The following PLEKHA5 variants were observed in gnomAD, a reference collection of about 807,000 sequenced individuals.
PLEKHA5 encodes pleckstrin homology domain containing A5, also known as pleckstrin homology domain-containing family A member 5.
PLEKHA5 carries 55 observed loss-of-function variants against 181.9 expected under a neutral mutation model. That is an observed-to-expected ratio of 0.30 (90% CI 0.24 to 0.38). PLEKHA5 has a LOEUF of 0.38. Ranked by LOEUF, PLEKHA5 falls within the 10% of genes least tolerant of loss-of-function variation. The pLI, the probability that PLEKHA5 is intolerant of heterozygous loss-of-function variation, is 1.00. For missense variants in PLEKHA5, 1,432 were observed against 1,549.5 expected, an observed-to-expected ratio of 0.92 and a Z score of 1.27; for synonymous variants, 535 against 529.4, an observed-to-expected ratio of 1.01 and a Z score of -0.15.
intron 26 of PLEKHA5, among the ~76,000 whole-genome samples, chr12:19,357,369 C>T (rs1363138817): frequency 6.6e-6 from 1 of 151,830 alleles, no homozygotes; most frequent in Non-Finnish European, 1.5e-5. Context: ...CTCAGCCTCC[C>T]GAGTAGCTGG....
chr12:19,162,222 A>G (rs562516689), intron 3 of PLEKHA5, among the ~76,000 whole-genome samples: 175 of 152,286 alleles, frequency 1.1e-3, no homozygotes, highest in Non-Finnish European at 2.2e-3. Flanking sequence ...GGCTGTCTTC[A>G]TCTAAAAATT....
intron 29 of PLEKHA5, among the ~76,000 whole-genome samples, chr12:19,361,933 G>A (rs1482026467): frequency 2.0e-5 from 3 of 152,022 alleles, no homozygotes; most frequent in African/African-American, 7.2e-5. Context: ...CACTTTGAAA[G>A]GCCAAGGCAG....
intron 3 of PLEKHA5, among the ~76,000 whole-genome samples, chr12:19,190,923 AAAGAG>A (rs2050957706): frequency 6.6e-6 from 1 of 152,184 alleles, no homozygotes; most frequent in Admixed American, 6.5e-5. Flanking sequence ...AGGGCATGCA[AAAGAG>A]AAGTTGGAAA....
In PLEKHA5 at chr12:19,155,430, C is replaced by T. The variant is rs540811932; in HGVS notation, c.227+22980C>T. On this transcript the variant is annotated intron_variant, in intron 3 of 31. Coordinates refer to ENST00000429027, the MANE Select transcript of PLEKHA5 (RefSeq NM_001256470.2). Reference sequence around the variant, plus strand: ...GTCCCGAAACCTTGTTTTTTCTTCACGTCCTTTTTTTGTATGTGTGCATTT... The same window carrying T: ...GTCCCGAAACCTTGTTTTTTCTTCATGTCCTTTTTTTGTATGTGTGCATTT... Among the ~76,000 whole-genome samples, 200 of 152,212 alleles carry T rather than the reference C, an allele frequency of 1.3e-3. 2 individuals are homozygous for T. The highest frequency in any genetic ancestry group is 3.4e-3 in the African/African-American group (142 of 41,562).
intron 15 of PLEKHA5, among the ~76,000 whole-genome samples, chr12:19,304,284 A>G (rs979872269): frequency 1.3e-5 from 2 of 152,142 alleles, no homozygotes; most frequent in Non-Finnish European, 2.9e-5. Flanking sequence ...GGGCACCTGT[A>G]ATCCCAGCTA....
chr12:19,345,679 C>G (rs2094285708), intron 22 of PLEKHA5, among the ~76,000 whole-genome samples, 163 bp from the exon 23 acceptor site: 1 of 152,036 alleles, frequency 6.6e-6, no homozygotes, highest in Non-Finnish European at 1.5e-5. Flanking sequence ...ACAAGAATTG[C>G]TTGAACCCAG....
chr12:19,370,349 A>G (rs757224216), intron 31 of PLEKHA5, among the ~76,000 whole-genome samples: 1 of 152,220 alleles, frequency 6.6e-6, no homozygotes, highest in East Asian at 1.9e-4. Context: ...GGATGGTATC[A>G]GGGAGAAGAA....
chr12:19,233,449 A>G (rs1462791849), intron 3 of PLEKHA5, among the ~76,000 whole-genome samples: 1 of 152,124 alleles, frequency 6.6e-6, no homozygotes, highest in African/African-American at 2.4e-5. Flanking sequence ...TTGGTAGGAG[A>G]TCTGTTTCTT....
At chr12:19,200,482 T>C (rs1255753603) in intron 3 of PLEKHA5, 2 of 1,390,388 alleles carry the variant, frequency 1.4e-6, no homozygotes, top group Non-Finnish European at 1.9e-6. Flanking sequence ...TCCAGTAGCT[T>C]TCCTATTCTC....
intron 3 of PLEKHA5, among the ~76,000 whole-genome samples, chr12:19,173,005 CTTTTTTTTTT>C (rs71064064): frequency 4.8e-3 from 162 of 33,548 alleles, no homozygotes; most frequent in African/African-American, 0.014. Flanking sequence ...ATTTCCCTTT[CTTTTTTTTTT>C]TTTTTTTTTT....
rs569821545 is a variant in PLEKHA5, at chr12:19,255,053, C to G, written c.320C>G (p.Ala107Gly). 7 of 1,603,460 alleles carry G rather than the reference C, an allele frequency of 4.4e-6. No individual in the cohort carries two copies. Among genetic ancestry groups the G allele is most frequent in the African/African-American group, 1.3e-5 (1 of 74,830 alleles). Residue 107 changes from alanine (A) to glycine (G), a missense_variant, in exon 5 of 32, where the codon GCA becomes GGA. Around this residue, in one of 2 missense-constraint regions of PLEKHA5, gnomAD observed 289 missense variants for 381.1 expected, o/e 0.76. Coordinates refer to ENST00000429027, the MANE Select transcript of PLEKHA5 (RefSeq NM_001256470.2). ...TTGACATATATTTTCAGGACTGTTG[C>G]AACCATGACATCTGAAGAAAAGAAG... ...CIFVVNEQTVATMTSEEKKER... is the reference protein window; with the variant it reads ...CIFVVNEQTVGTMTSEEKKER...
At chr12:19,349,917 C>T (rs1233410713) in intron 25 of PLEKHA5, among the ~76,000 whole-genome samples, 5 of 152,046 alleles carry the variant, frequency 3.3e-5, no homozygotes, top group Non-Finnish European at 7.4e-5. Context: ...TGGAGACCAT[C>T]CTGGCTAACA....
intron 22 of PLEKHA5, among the ~76,000 whole-genome samples, chr12:19,345,207 C>G (rs1029793194): frequency 6.6e-6 from 1 of 151,886 alleles, no homozygotes; most frequent in Non-Finnish European, 1.5e-5. Flanking sequence ...CGAGACCAGG[C>G]TGGCCAACTT....
rs1230460091 is a variant in PLEKHA5, at chr12:19,357,255, T to G, written c.3139-973T>G. On this transcript the variant is annotated intron_variant, in intron 26 of 31. Coordinates refer to ENST00000429027, the MANE Select transcript of PLEKHA5 (RefSeq NM_001256470.2). ...CAGAGCTGCCATATTCTTTATATTC[T>G]TTTTTTTTTTTTTTTTTTGAGACAG... 7.3e-4 allele frequency among the ~76,000 whole-genome samples: 5 copies of G among 6,840 alleles called. No homozygotes were observed. The South Asian group carries it at 0.026, about 35-fold the overall frequency. 4.5% of individuals were successfully genotyped at this position (6,840 alleles called of 152,430 possible).
intron 3 of PLEKHA5, among the ~76,000 whole-genome samples, chr12:19,148,366 A>C (rs1244004997): frequency 1.3e-5 from 2 of 152,190 alleles, no homozygotes; most frequent in East Asian, 3.9e-4. Flanking sequence ...AAGTTATTTT[A>C]AATGTATTAA....
intron 10 of PLEKHA5, among the ~76,000 whole-genome samples, chr12:19,272,651 C>T (rs368045236): frequency 1.4e-3 from 210 of 152,140 alleles, no homozygotes; most frequent in Middle Eastern, 3.4e-3. Flanking sequence ...AGGGAAGGAT[C>T]ACTTGAGCCC....
At chr12:19,239,056 T>G (rs915163557) in intron 3 of PLEKHA5, among the ~76,000 whole-genome samples, 3 of 152,206 alleles carry the variant, frequency 2.0e-5, no homozygotes, top group East Asian at 1.9e-4. Flanking sequence ...AAGGCCCTTA[T>G]AGTCTTAAAC....
intron 12 of PLEKHA5, among the ~76,000 whole-genome samples, chr12:19,286,440 C>A (rs1346765789): frequency 6.6e-6 from 1 of 152,114 alleles, no homozygotes; most frequent in East Asian, 1.9e-4. Context: ...TATTAAAATT[C>A]TCTCCTTTTT....
At chr12:19,333,313 C>T (rs534182394) in intron 20 of PLEKHA5, among the ~76,000 whole-genome samples, 6 of 151,872 alleles carry the variant, frequency 4.0e-5, no homozygotes, top group Admixed American at 1.3e-4. Context: ...CCGCGGGTGG[C>T]TCATGGGTGT....
Sources: allele counts gnomAD v4.1 joint callset (sites outside exome capture counted in the v4.1 genomes callset), GRCh38; gene constraint gnomAD v4.1.1; regional missense constraint gnomAD v4.1.1; transcripts MANE v1.5; gene names NCBI Gene and HGNC (gene_info 2026-07-23, HGNC 2026-07-21).